Variants in SYNJ1 observed in about 807,000 individuals in gnomAD.
The protein encoded by SYNJ1 is synaptojanin 1.
A neutral mutation model predicts 168.2 loss-of-function variants in SYNJ1; 78 were observed. That is an observed-to-expected ratio of 0.46 (90% CI 0.39 to 0.56). SYNJ1 has a LOEUF of 0.56. SYNJ1 is among the 20% of genes least tolerant of loss of function. SYNJ1 has a pLI of 0.00. For synonymous variants in SYNJ1, 539 were observed against 548.6 expected, an observed-to-expected ratio of 0.98 and a Z score of 0.24; for missense variants, 1,303 against 1,597.6, an observed-to-expected ratio of 0.82 and a Z score of 3.14.
chr21:32,637,817 T>A (rs572259855), intron 31 of SYNJ1, among the ~76,000 whole-genome samples: 1 of 152,364 alleles, frequency 6.6e-6, no homozygotes, highest in East Asian at 1.9e-4. Flanking sequence ...CTTCAACTTT[T>A]ACAAATGTGA....
intron 11 of SYNJ1, 62 bp from the exon 12 acceptor site, chr21:32,678,863 T>C: frequency 5.1e-6 from 8 of 1,563,366 alleles, no homozygotes; most frequent in Non-Finnish European, 6.0e-6. Context: ...ATTTTACTCA[T>C]TAGGTTTTTT....
chr21:32,668,210 C>T lies in SYNJ1; in HGVS notation c.1812-1637G>A, dbSNP rs556531377. Among the ~76,000 whole-genome samples, 9 of 152,122 alleles carry T rather than the reference C, an allele frequency of 5.9e-5. No individual in the cohort carries two copies. The South Asian group carries it at 1.9e-3, about 32-fold the overall frequency. On this transcript the variant is annotated intron_variant, in intron 15 of 32. Coordinates refer to ENST00000674351, the MANE Select transcript of SYNJ1 (RefSeq NM_203446.3). ...CCTCCTGAGTAGCTGGGATTACAGG[C>T]ACGGGGCACCACGTCCAGCTGATTT...
At chr21:32,670,515 CTT>C in intron 14 of SYNJ1, 143 bp from the exon 15 acceptor site, 1 of 670,754 alleles carries the variant, frequency 1.5e-6, no homozygotes, top group East Asian at 2.9e-5. Context: ...GGCAAACACT[CTT>C]GAGTGGAATG....
Position 32,650,278 on chromosome 21 carries a change from C to T in SYNJ1, c.2943G>A (p.Met981Ile), listed in dbSNP as rs115683257. 1 of 1,613,964 alleles carries T rather than the reference C, an allele frequency of 6.2e-7. No individual in the cohort carries two copies. The highest frequency in any genetic ancestry group is 1.3e-5 in the African/African-American group (1 of 75,026). The stretch of plus-strand genomic sequence containing the variant: ...ATGCAATGCTAATTTTCTCTAAACT[C>T]ATTTCTTCTTCCAAATTTTTGATCC... ...PDWIKNLEEE[M>I]SLEKISIALP... Residue 981 changes from methionine (M) to isoleucine (I), a missense_variant, in exon 23 of 33, where the codon ATG becomes ATA. Around this residue, in one of 2 missense-constraint regions of SYNJ1, gnomAD observed 920 missense variants for 1,208.8 expected, o/e 0.76. Coordinates refer to ENST00000674351, the MANE Select transcript of SYNJ1 (RefSeq NM_203446.3).
chr21:32,691,676 C>T (rs967667947), intron 6 of SYNJ1, among the ~76,000 whole-genome samples: 5 of 152,132 alleles, frequency 3.3e-5, no homozygotes, highest in African/African-American at 1.2e-4. Context: ...TGTGTAACAC[C>T]TTATGACAAT....
chr21:32,695,696 A>G (rs548840631), intron 4 of SYNJ1, among the ~76,000 whole-genome samples: 5 of 150,600 alleles, frequency 3.3e-5, no homozygotes, highest in African/African-American at 1.2e-4. Flanking sequence ...GGAGTCTCGG[A>G]ATGTTGCCCA....
At chr21:32,678,883 A>T (rs1160656058) in intron 11 of SYNJ1, 82 bp from the exon 12 acceptor site, 4 of 1,542,984 alleles carry the variant, frequency 2.6e-6, no homozygotes, top group Middle Eastern at 1.7e-4. Context: ...TGAAATTTTA[A>T]ATCAGTTTTA....
At chr21:32,727,918 G>C (rs1277440589) in intron 1 of SYNJ1, 28 bp downstream of exon 1, 1 of 1,531,596 alleles carries the variant, frequency 6.5e-7, no homozygotes, top group South Asian at 1.2e-5. Context: ...GGCCGCAGCA[G>C]CTCCCCGCCC....
intron 2 of SYNJ1, among the ~76,000 whole-genome samples, chr21:32,716,760 A>C (rs1046289184): frequency 1.3e-5 from 2 of 152,146 alleles, no homozygotes; most frequent in Non-Finnish European, 2.9e-5. Context: ...TCTGGGATCC[A>C]CATATTCATG....
At chr21:32,668,419 T>C (rs1416082621) in intron 15 of SYNJ1, among the ~76,000 whole-genome samples, 3 of 152,162 alleles carry the variant, frequency 2.0e-5, no homozygotes, top group Admixed American at 6.5e-5. Context: ...AAACTCTATT[T>C]AGACAAACAA....
chr21:32,692,102 A>T (rs997426955), intron 6 of SYNJ1, among the ~76,000 whole-genome samples: 13 of 152,178 alleles, frequency 8.5e-5, no homozygotes, highest in African/African-American at 3.1e-4. Context: ...AATTATGAAA[A>T]CCTTAACTCA....
In SYNJ1 at chr21:32,700,074, G is replaced by A. The variant is rs769645055; in HGVS notation, c.243C>T (p.Val81=). ...TTTTTCCAACAGACATACATCCAGT[G>A]ACTAGGACCAGATAATGTAACATAG... The part of the protein sequence containing the change: ...GDTMLHYLVL[V]TGCMSVGKIQ... Residue 81 remains valine (V), a synonymous_variant, in exon 4 of 33, where the codon GTC becomes GTT. Transcript: ENST00000674351. The A allele has an allele frequency of 6.2e-6, 10 of 1,613,930 alleles. No homozygotes were observed. The highest frequency in any genetic ancestry group is 4.4e-5 in the South Asian group (4 of 91,036).
Position 32,631,405 on chromosome 21 carries a change from T to G in SYNJ1, c.*400A>C, listed in dbSNP as rs1356819195. The stretch of plus-strand genomic sequence containing the variant: ...GGCTGCAGAGAAGGGAAAGGACTGA[T>G]AGTAACGGGCTCTTCTTTGGAGAAC... On this transcript the variant is annotated 3_prime_UTR_variant, in exon 33 of 33. Coordinates refer to ENST00000674351, the MANE Select transcript of SYNJ1 (RefSeq NM_203446.3). The G allele has an allele frequency of 6.2e-7, 1 of 1,614,220 alleles. No homozygotes were observed. The highest frequency in any genetic ancestry group is 8.5e-7 in the Non-Finnish European group (1 of 1,180,030).
At chr21:32,642,048 T>C (rs752634941) in intron 28 of SYNJ1, 47 bp downstream of exon 28, 1 of 1,613,588 alleles carries the variant, frequency 6.2e-7, no homozygotes, top group East Asian at 2.2e-5. Flanking sequence ...AGTGTCTATT[T>C]CACGGTCCAG....
At chr21:32,635,798 G>C (rs192395750) in intron 31 of SYNJ1, among the ~76,000 whole-genome samples, 15 of 152,130 alleles carry the variant, frequency 9.9e-5, no homozygotes, top group Admixed American at 5.2e-4. Flanking sequence ...TAATGTATTA[G>C]TTGGAAGGTA....
chr21:32,661,984 G>C (rs1283518449), intron 18 of SYNJ1, among the ~76,000 whole-genome samples: 5 of 152,170 alleles, frequency 3.3e-5, no homozygotes, highest in Non-Finnish European at 5.9e-5. Flanking sequence ...TGTGGATCAA[G>C]GACTGGAACG....
intron 32 of SYNJ1, among the ~76,000 whole-genome samples, chr21:32,632,358 T>C (rs1465392444): frequency 1.3e-5 from 2 of 151,840 alleles, no homozygotes; most frequent in Admixed American, 6.6e-5. Flanking sequence ...CTTGGAAAAA[T>C]AAATTTTGAG....
intron 11 of SYNJ1, 92 bp from the exon 12 acceptor site, chr21:32,678,893 A>G (rs2041517276): frequency 6.6e-7 from 1 of 1,524,606 alleles, no homozygotes; most frequent in East Asian, 2.4e-5. Context: ...AATCAGTTTT[A>G]TATGATTTTA....
At chr21:32,671,693 G>C (rs1476528938) in intron 14 of SYNJ1, among the ~76,000 whole-genome samples, 1 of 152,148 alleles carries the variant, frequency 6.6e-6, no homozygotes, top group African/African-American at 2.4e-5. Flanking sequence ...AAGGTACATA[G>C]AATTATAGTG....
Sources: allele counts gnomAD v4.1 joint callset (sites outside exome capture counted in the v4.1 genomes callset), GRCh38; gene constraint gnomAD v4.1.1; regional missense constraint gnomAD v4.1.1; transcripts MANE v1.5; gene names NCBI Gene and HGNC (gene_info 2026-07-23, HGNC 2026-07-21).